Variants in UPP2 observed in about 807,000 individuals in gnomAD.
The protein encoded by UPP2 is UPase 2.
UPP2 carries 23 observed loss-of-function variants against 26.7 expected under a neutral mutation model. That is an observed-to-expected ratio of 0.86 (90% CI 0.62 to 1.22). The LOEUF is 1.22. Ranked by LOEUF, UPP2 falls within the 50% of genes most tolerant of loss-of-function variation. The probability of loss-of-function intolerance (pLI) is 0.00; values close to 1 mark genes in which losing one functional copy is unlikely to be tolerated. For missense variants in UPP2, 387 were observed against 396.7 expected (o/e 0.98, Z 0.21); for synonymous variants, 127 against 141.3 (o/e 0.90, Z 0.72).
intron 2 of UPP2, among the ~76,000 whole-genome samples, chr2:158,004,307 TTTAA>T (rs1452917010): frequency 6.6e-6 from 1 of 152,160 alleles, no homozygotes; most frequent in Non-Finnish European, 1.5e-5. Context: ...TGACTCATAA[TTTAA>T]TTAATTCTTG....
At chr2:158,084,265 A>T (rs1044870149) in intron 3 of UPP2, among the ~76,000 whole-genome samples, 1 of 152,048 alleles carries the variant, frequency 6.6e-6, no homozygotes, top group African/African-American at 2.4e-5. Context: ...AATTAGTGAC[A>T]TTGAACATTT....
intron 3 of UPP2, among the ~76,000 whole-genome samples, chr2:158,074,511 T>A (rs929252729): frequency 1.3e-5 from 2 of 152,264 alleles, no homozygotes; most frequent in Admixed American, 1.3e-4. Context: ...TAAGTTGACA[T>A]CACTTTAAAA....
intron 3 of UPP2, among the ~76,000 whole-genome samples, chr2:158,024,232 G>A (rs572727147): frequency 1.5e-4 from 23 of 152,256 alleles, no homozygotes; most frequent in Admixed American, 8.5e-4. Flanking sequence ...GGAAGACAAA[G>A]ACCTGGGCTT....
chr2:158,110,520 G>C (rs1683296788), intron 2 of UPP2, among the ~76,000 whole-genome samples: 1 of 152,110 alleles, frequency 6.6e-6, no homozygotes, highest in Non-Finnish European at 1.5e-5. Context: ...GTAATGGGAT[G>C]GCTGGGTCAA....
chr2:158,098,978 C>T (rs1373020373), upstream of UPP2, among the ~76,000 whole-genome samples: 2 of 152,044 alleles, frequency 1.3e-5, no homozygotes, highest in Non-Finnish European at 2.9e-5. Context: ...GCACCTATAA[C>T]CTATGTATTG....
At chr2:158,131,194 T>C (rs1290973398) in intron 6 of UPP2, among the ~76,000 whole-genome samples, 1 of 152,098 alleles carries the variant, frequency 6.6e-6, no homozygotes, top group African/African-American at 2.4e-5. Context: ...CAGGAAGAGG[T>C]AGAAGAAAGG....
chr2:158,108,196 C>T (rs1011338115), intron 2 of UPP2, among the ~76,000 whole-genome samples: 5 of 152,284 alleles, frequency 3.3e-5, no homozygotes, highest in East Asian at 3.9e-4. Context: ...ATTTATGGTG[C>T]GCTTTCTATA....
chr2:158,051,598 T>C (rs565414990), intron 3 of UPP2, among the ~76,000 whole-genome samples: 39 of 152,124 alleles, frequency 2.6e-4, no homozygotes, highest in African/African-American at 8.4e-4. Context: ...CTGGCCAACA[T>C]AGCAAAACCC....
Position 158,040,330 on chromosome 2 carries a change from G to C in UPP2, c.147+24444G>C, listed in dbSNP as rs570280139. 2.0e-5 allele frequency among the ~76,000 whole-genome samples: 3 copies of C among 152,268 alleles called. No individual in the cohort carries two copies. The East Asian group carries it at 5.8e-4, about 29-fold the overall frequency. ...TGTATCAACTGATGAGTACTAAAGT[G>C]ACAATTTCTGGATAGATATCTAGAT... On this transcript the variant is annotated intron_variant, in intron 3 of 9. Coordinates refer to the UPP2 transcript ENST00000605860.
In UPP2 at chr2:158,121,458, C is replaced by G. The variant is rs773756435; in HGVS notation, c.504C>G (p.Phe168Leu). The G allele has an allele frequency of 6.2e-7, 1 of 1,613,540 alleles. No individual in the cohort carries two copies. The highest frequency in any genetic ancestry group is 8.5e-7 in the Non-Finnish European group (1 of 1,179,518). ...TAACGGATATAGCTGTAGACTCCTT[C>G]TTTAAGCCCCGGTTTGAACAGGTCA... The part of the protein sequence containing the change: ...VVITDIAVDS[F>L]FKPRFEQVIL... The change falls in exon 5 of 7, where the codon TTC becomes TTG. Residue 168 changes from phenylalanine (F) to leucine (L), a missense_variant. Transcript: ENST00000005756.
chr2:158,084,006 T>C (rs1187902585), intron 3 of UPP2, among the ~76,000 whole-genome samples: 1 of 151,750 alleles, frequency 6.6e-6, no homozygotes, highest in Non-Finnish European at 1.5e-5. Context: ...AATGACTTCT[T>C]TTCCTCTGAG....
At chr2:158,055,454 T>C (rs552570917) in intron 3 of UPP2, among the ~76,000 whole-genome samples, 1 of 152,306 alleles carries the variant, frequency 6.6e-6, no homozygotes, top group East Asian at 1.9e-4. Context: ...AGCAGGTACC[T>C]CACAGAAGTG....
At chr2:158,131,124 T>C (rs549059401) in intron 6 of UPP2, among the ~76,000 whole-genome samples, 6 of 152,264 alleles carry the variant, frequency 3.9e-5, no homozygotes, top group African/African-American at 1.4e-4. Context: ...GGAGCAAAGG[T>C]AGTGTTTGCT....
intron 6 of UPP2, chr2:158,128,098 C>A: frequency 2.4e-6 from 2 of 827,450 alleles, no homozygotes; most frequent in Non-Finnish European, 2.9e-6. Flanking sequence ...ACAGGCTTGC[C>A]TGACAATATA....
At chr2:158,130,456 A>C (rs6749740) in intron 6 of UPP2, among the ~76,000 whole-genome samples, 16,189 of 92,038 alleles carry the variant, frequency 0.18, 1,323 homozygotes, top group African/African-American at 0.35. Context: ...GTCTCAAAAA[A>C]AAAAACAAAA....
At chr2:158,086,739 A>T (rs560603539) in intron 3 of UPP2, among the ~76,000 whole-genome samples, 21 of 152,186 alleles carry the variant, frequency 1.4e-4, no homozygotes, top group African/African-American at 4.8e-4. Flanking sequence ...TCTTGATTTC[A>T]TTGTTGACCC....
At chr2:158,067,384 A>AG (rs1372495350) in intron 3 of UPP2, among the ~76,000 whole-genome samples, 22 of 148,570 alleles carry the variant, frequency 1.5e-4, no homozygotes, top group African/African-American at 3.9e-4. Flanking sequence ...AAAAAAAAAA[A>AG]AGAGAGAGAG....
chr2:158,005,770 T>C (rs1199600168), intron 2 of UPP2, among the ~76,000 whole-genome samples: 1 of 152,200 alleles, frequency 6.6e-6, no homozygotes, highest in Non-Finnish European at 1.5e-5. Flanking sequence ...GTGGGGGCTC[T>C]TCCGGCTTAC....
intron 3 of UPP2, among the ~76,000 whole-genome samples, chr2:158,089,444 C>T (rs1682871201): frequency 6.6e-6 from 1 of 152,228 alleles, no homozygotes; most frequent in Non-Finnish European, 1.5e-5. Flanking sequence ...AGATTTTGCA[C>T]CTCCCTGCCT....
Sources: gnomAD v4.1 joint callset for allele counts (sites outside exome capture counted in the v4.1 genomes callset) on GRCh38, gnomAD v4.1.1 for gene constraint, MANE v1.5 for transcripts, NCBI Gene and HGNC (gene_info 2026-07-23, HGNC 2026-07-21) for gene names.